Variants in XKR6 observed in about 807,000 individuals in gnomAD.
The protein encoded by XKR6 is XK related 6.
A neutral mutation model predicts 56.7 loss-of-function variants in XKR6; 22 were observed. That is an observed-to-expected ratio of 0.39 (90% CI 0.28 to 0.55). XKR6 has a LOEUF of 0.55. Among genes scored for constraint, XKR6 ranks in the 20% least tolerant of loss-of-function variants. The probability of loss-of-function intolerance (pLI) is 0.66; values close to 1 mark genes in which losing one functional copy is unlikely to be tolerated. For missense variants in XKR6, 852 were observed against 889.0 expected, an observed-to-expected ratio of 0.96 and a Z score of 0.53; for synonymous variants, 524 against 387.8, an observed-to-expected ratio of 1.35 and a Z score of -4.13.
At chr8:11,130,445 G>A (rs775088889) in intron 1 of XKR6, among the ~76,000 whole-genome samples, 1 of 152,074 alleles carries the variant, frequency 6.6e-6, no homozygotes, top group South Asian at 2.1e-4. Flanking sequence ...GATCAGGGGC[G>A]AGAACCGGGA....
chr8:11,082,295 C>T (rs1162825154), intron 1 of XKR6, among the ~76,000 whole-genome samples: 1 of 152,158 alleles, frequency 6.6e-6, no homozygotes, highest in African/African-American at 2.4e-5. Context: ...CTACGTGGGG[C>T]TCAATATCAT....
intron 1 of XKR6, among the ~76,000 whole-genome samples, chr8:10,975,105 A>T (rs1226818112): frequency 6.6e-6 from 1 of 152,184 alleles, no homozygotes; most frequent in South Asian, 2.1e-4. Context: ...TCCGGAACAC[A>T]GTCCTTGCTG....
chr8:10,966,407 C>A (rs573902268), intron 1 of XKR6, among the ~76,000 whole-genome samples: 1 of 152,044 alleles, frequency 6.6e-6, no homozygotes, highest in African/African-American at 2.4e-5. Flanking sequence ...TGGTGGCTCA[C>A]GCCTGTAATC....
intron 1 of XKR6, among the ~76,000 whole-genome samples, chr8:10,942,045 C>A (rs1013203381): frequency 6.6e-6 from 1 of 152,200 alleles, no homozygotes; most frequent in African/African-American, 2.4e-5. Context: ...GTTATCCCCT[C>A]TGAGGGATTT....
rs566945167 is a variant in XKR6 at position 11,069,573 on chromosome 8, A to G, written c.764+131003T>C. Among the ~76,000 whole-genome samples, 11 of 152,146 alleles carry G rather than the reference A, an allele frequency of 7.2e-5. No individual in the cohort carries two copies. In the South Asian group the frequency reaches 1.7e-3, roughly 23 times the overall value. Reference sequence around the variant, plus strand: ...AGGCATACCCCTAACCCCAACTGCCATCTTCCCCTGCCCCCAAGCTGAGCA... The same window carrying G: ...AGGCATACCCCTAACCCCAACTGCCGTCTTCCCCTGCCCCCAAGCTGAGCA... On this transcript the variant is annotated intron_variant, in intron 1 of 2. Coordinates refer to ENST00000416569, the MANE Select transcript of XKR6 (RefSeq NM_173683.4).
intron 1 of XKR6, among the ~76,000 whole-genome samples, chr8:11,002,080 A>AAC (rs1185173198): frequency 3.5e-5 from 5 of 142,658 alleles, no homozygotes; most frequent in South Asian, 2.3e-4. Flanking sequence ...AAAAAAAAAA[A>AAC]ACACACAAAA....
intron 1 of XKR6, among the ~76,000 whole-genome samples, chr8:11,157,641 T>C (rs2116998978): frequency 6.6e-6 from 1 of 152,212 alleles, no homozygotes; most frequent in Non-Finnish European, 1.5e-5. Context: ...TCAGACTCTC[T>C]ATTAGCTAGG....
At chr8:11,168,330 G>C (rs1409739251) in intron 1 of XKR6, among the ~76,000 whole-genome samples, 3 of 152,190 alleles carry the variant, frequency 2.0e-5, no homozygotes, top group Non-Finnish European at 4.4e-5. Context: ...TTTGATTAAA[G>C]AATAAATTCA....
At chr8:10,962,407 C>T (rs1268466917) in intron 1 of XKR6, among the ~76,000 whole-genome samples, 1 of 152,160 alleles carries the variant, frequency 6.6e-6, no homozygotes, top group Non-Finnish European at 1.5e-5. Flanking sequence ...GAGGGAGGTC[C>T]CCTGGTGCTC....
intron 1 of XKR6, among the ~76,000 whole-genome samples, chr8:11,012,109 A>G (rs1798513583): frequency 6.6e-6 from 1 of 152,190 alleles, no homozygotes; most frequent in African/African-American, 2.4e-5. Context: ...ATCTAAGCAG[A>G]TGGAGGAGTC....
intron 1 of XKR6, among the ~76,000 whole-genome samples, chr8:10,999,209 T>C (rs1798184988): frequency 6.6e-6 from 1 of 152,240 alleles, no homozygotes; most frequent in Non-Finnish European, 1.5e-5. Context: ...GTGGGATTAT[T>C]TATGCCCATT....
chr8:11,003,517 C>G (rs1259303991), intron 1 of XKR6, among the ~76,000 whole-genome samples: 3 of 152,228 alleles, frequency 2.0e-5, no homozygotes, highest in African/African-American at 7.2e-5. Context: ...ACTGTCATAG[C>G]TACCAGACTG....
chr8:11,032,956 G>T (rs1028739749), intron 1 of XKR6, among the ~76,000 whole-genome samples: 1 of 152,154 alleles, frequency 6.6e-6, no homozygotes, highest in South Asian at 2.1e-4. Context: ...TGATGGTACC[G>T]ATGGTGATTG....
intron 1 of XKR6, among the ~76,000 whole-genome samples, chr8:10,975,200 A>T (rs1032883026): frequency 2.0e-5 from 3 of 152,012 alleles, no homozygotes; most frequent in African/African-American, 7.2e-5. Flanking sequence ...AGGAACTAGC[A>T]CCCTCCTGCA....
At chr8:10,995,279 C>G (rs192000711) in intron 1 of XKR6, among the ~76,000 whole-genome samples, 1 of 151,502 alleles carries the variant, frequency 6.6e-6, no homozygotes, top group African/African-American at 2.4e-5. Context: ...CTTTAGGAGA[C>G]TGAAGCAGGT....
chr8:10,987,283 T>G (rs1156661604), intron 1 of XKR6, among the ~76,000 whole-genome samples: 1 of 152,176 alleles, frequency 6.6e-6, no homozygotes, highest in African/African-American at 2.4e-5. Context: ...TGTAAAGTGG[T>G]ACTACTAGTT....
chr8:11,132,989 A>G (rs1800188906), intron 1 of XKR6, among the ~76,000 whole-genome samples: 1 of 152,130 alleles, frequency 6.6e-6, no homozygotes, highest in Non-Finnish European at 1.5e-5. Context: ...CACATTTTTG[A>G]GATCAAAAAT....
intron 1 of XKR6, among the ~76,000 whole-genome samples, chr8:11,013,971 G>T (rs1798556578): frequency 6.6e-6 from 1 of 152,172 alleles, no homozygotes; most frequent in Admixed American, 6.5e-5. Flanking sequence ...CAGTCACTGC[G>T]TTAAAAAGTC....
At chr8:11,116,046 A>G (rs1381010509) in intron 1 of XKR6, among the ~76,000 whole-genome samples, 1 of 152,222 alleles carries the variant, frequency 6.6e-6, no homozygotes, top group Non-Finnish European at 1.5e-5. Context: ...CTGGGTTTTA[A>G]GCAAATCAAT....
Sources: gnomAD v4.1 joint callset for allele counts (sites outside exome capture counted in the v4.1 genomes callset) on GRCh38, gnomAD v4.1.1 for gene constraint, MANE v1.5 for transcripts, NCBI Gene and HGNC (gene_info 2026-07-23, HGNC 2026-07-21) for gene names.